GSAP: variants seen among roughly 807,000 people sequenced by gnomAD.
The protein encoded by GSAP is gamma-secretase activating protein.
In GSAP, 118 loss-of-function variants were observed where a neutral mutation model predicts 131.7. The ratio of observed to expected loss-of-function variants is 0.90; its 90% confidence interval spans 0.77 to 1.04. The LOEUF (loss-of-function observed/expected upper bound fraction) is 1.04, where lower values mean the gene tolerates loss of function less well. Among genes scored for constraint, GSAP ranks in the 50% least tolerant of loss-of-function variants. The pLI is 0.00. For missense variants in GSAP, 1,019 were observed against 1,013.2 expected (o/e 1.01, Z -0.08); for synonymous variants, 381 against 363.4 (o/e 1.05, Z -0.55).
At chr7:77,355,945 C>T (rs967038181) in intron 14 of GSAP, among the ~76,000 whole-genome samples, 2 of 151,888 alleles carry the variant, frequency 1.3e-5, no homozygotes, top group Non-Finnish European at 2.9e-5. Context: ...ACTGTGCCCA[C>T]AACACCCCAC....
chr7:77,381,442 T>C (rs1797794182), intron 7 of GSAP, 88 bp from the exon 8 acceptor site: 2 of 618,736 alleles, frequency 3.2e-6, no homozygotes, highest in East Asian at 6.0e-5. Flanking sequence ...AACATTGTTA[T>C]AAAAGCAATG....
At chr7:77,349,324 T>G (rs1362703839) in intron 19 of GSAP, 27 bp downstream of exon 19, 1 of 1,542,582 alleles carries the variant, frequency 6.5e-7, no homozygotes, top group Non-Finnish European at 9.0e-7. Context: ...GTATCTGTAC[T>G]TTTGTTTCTT....
intron 12 of GSAP, among the ~76,000 whole-genome samples, chr7:77,365,121 T>C (rs1474359062): frequency 6.6e-6 from 1 of 151,786 alleles, no homozygotes; most frequent in East Asian, 1.9e-4. Context: ...TGGCTAATTA[T>C]TTTATTTTTT....
At chr7:77,333,779 T>A (rs1562925219) in intron 19 of GSAP, among the ~76,000 whole-genome samples, 1 of 151,914 alleles carries the variant, frequency 6.6e-6, no homozygotes, top group African/African-American at 2.4e-5. Context: ...GAATAAAGGA[T>A]CTCCCACATA....
chr7:77,389,180 T>C (rs976945802), intron 5 of GSAP, among the ~76,000 whole-genome samples: 3 of 152,060 alleles, frequency 2.0e-5, no homozygotes, highest in African/African-American at 4.8e-5. Flanking sequence ...ACTAAATTAG[T>C]ATATTAAATA....
chr7:77,359,123 C>T (rs1794173364), intron 14 of GSAP, among the ~76,000 whole-genome samples: 1 of 152,068 alleles, frequency 6.6e-6, no homozygotes, highest in African/African-American at 2.4e-5. Context: ...GAACCTTGAA[C>T]CCCGGAGGCG....
rs760149097 is a variant in GSAP at position 77,313,477 on chromosome 7, C to T, written c.2271+11G>A. 7 of 1,451,544 alleles carry T rather than the reference C, an allele frequency of 4.8e-6. No homozygotes were observed. The highest frequency in any genetic ancestry group is 4.2e-5 in the African/African-American group (3 of 71,408). The allele number at this position is 1,451,544 out of a possible 1,614,324, so 89.9% of individuals were successfully genotyped here. A position where few individuals can be genotyped will look rare whatever the true frequency, so the allele number is the denominator to read the frequency against. ...AGCTTAGGGAGAAAATAAAATGTAA[C>T]TCAGTATTACCGGAGGAAGCCGCAC... On this transcript the variant is annotated intron_variant, in intron 28 of 30. Coordinates refer to ENST00000257626, the MANE Select transcript of GSAP (RefSeq NM_017439.4).
intron 12 of GSAP, among the ~76,000 whole-genome samples, chr7:77,364,144 G>T (rs1292471223): frequency 2.0e-5 from 3 of 152,012 alleles, no homozygotes; most frequent in Non-Finnish European, 4.4e-5. Context: ...ATGAAATACT[G>T]TCAAGGGAGC....
intron 22 of GSAP, chr7:77,328,360 C>G (rs11977955): frequency 8.0e-7 from 1 of 1,250,584 alleles, no homozygotes; most frequent in Non-Finnish European, 1.0e-6. Flanking sequence ...TAAGGAGAAC[C>G]GCAAGGCCAT....
intron 19 of GSAP, 30 bp from the exon 20 acceptor site, chr7:77,330,397 C>T: frequency 6.2e-7 from 1 of 1,608,288 alleles, no homozygotes; most frequent in Non-Finnish European, 8.5e-7. Flanking sequence ...CAGTGGCCTT[C>T]AGAGGCAGGC....
At chr7:77,371,634 G>A (rs532751340) in intron 12 of GSAP, among the ~76,000 whole-genome samples, 2 of 151,956 alleles carry the variant, frequency 1.3e-5, no homozygotes, top group South Asian at 2.1e-4. Context: ...ACGGGGTTTC[G>A]CCATGTTGGC....
chr7:77,319,297 T>G (rs1005088302), intron 26 of GSAP, among the ~76,000 whole-genome samples: 1 of 152,224 alleles, frequency 6.6e-6, no homozygotes, highest in Non-Finnish European at 1.5e-5. Flanking sequence ...TGTGAAAATA[T>G]GCTCGACATC....
intron 10 of GSAP, 86 bp downstream of exon 10, chr7:77,376,758 AGAGT>A (rs1384534616): frequency 7.3e-6 from 5 of 685,566 alleles, no homozygotes; most frequent in Admixed American, 2.9e-5. Context: ...CGTGTGCGAC[AGAGT>A]GAGACTCCAT....
intron 8 of GSAP, chr7:77,379,879 G>C: frequency 5.1e-6 from 5 of 984,250 alleles, no homozygotes; most frequent in Non-Finnish European, 6.0e-6. Context: ...CAGGCTTCTT[G>C]ATTTGAGGCT....
Position 77,416,259 on chromosome 7 carries a change from C to T in GSAP, c.63G>A (p.Ala21=), listed in dbSNP as rs1474363162. 4.0e-6 allele frequency: 6 copies of T among 1,494,288 alleles called. No homozygotes were observed. Among genetic ancestry groups the T allele is most frequent in the Non-Finnish European group, 5.3e-6 (6 of 1,123,944 alleles). 92.6% of individuals were successfully genotyped at this position (1,494,288 alleles called of 1,614,324 possible). Residue 21 remains alanine, a synonymous_variant, in exon 1 of 31, where the codon GCG becomes GCA. Coordinates refer to ENST00000257626, the MANE Select transcript of GSAP (RefSeq NM_017439.4). The part of the protein sequence containing the change: ...LGKDVLPWLR[A]QRAVSEASGA... ...CGCTGGCCTCCGACACTGCCCGCTG[C>T]GCCCGCAACCACGGGAGCACGTCCT... is the stretch of plus-strand genomic sequence containing the variant.
chr7:77,364,576 G>A (rs992057363), intron 12 of GSAP, among the ~76,000 whole-genome samples: 5 of 151,330 alleles, frequency 3.3e-5, no homozygotes, highest in Non-Finnish European at 5.9e-5. Context: ...AATGCTAAAT[G>A]ACAAGTTAAT....
chr7:77,389,348 T>C (rs1799080371), intron 5 of GSAP, among the ~76,000 whole-genome samples: 1 of 151,082 alleles, frequency 6.6e-6, no homozygotes, highest in Admixed American at 6.6e-5. Flanking sequence ...TCCATCCTGG[T>C]TAACATAGTG....
At chr7:77,328,473 G>A (rs1788632690) in intron 22 of GSAP, 133 bp downstream of exon 22, 7 of 1,421,536 alleles carry the variant, frequency 4.9e-6, no homozygotes, top group Non-Finnish European at 6.4e-6. Flanking sequence ...CTAACAGCAA[G>A]ATATTAAAAG....
Position 77,360,831 on chromosome 7 carries a change from G to A in GSAP, c.1020C>T (p.Leu340=), listed in dbSNP as rs1794427168. Residue 340 remains leucine, a synonymous_variant, in exon 14 of 31, where the codon CTC becomes CTT. Transcript: ENST00000257626. ...GSHMTKGITF[L]NLDYYVAVYL... ...GATCTCTCCATCACTCACCAAGGTT[G>A]AGAAAAGTAATGCCCTTTGTCATGT... 1 of 1,570,564 alleles carries A rather than the reference G, an allele frequency of 6.4e-7. No homozygotes were observed. Among genetic ancestry groups the A allele is most frequent in the Admixed American group, 1.7e-5 (1 of 59,920 alleles).
Sources: gnomAD v4.1 joint callset for allele counts (sites outside exome capture counted in the v4.1 genomes callset) on GRCh38, gnomAD v4.1.1 for gene constraint, MANE v1.5 for transcripts, NCBI Gene and HGNC (gene_info 2026-07-23, HGNC 2026-07-21) for gene names.